Variants in MMP15 observed in about 807,000 individuals in gnomAD.
MMP15 encodes matrix metallopeptidase 15.
In MMP15, 36 loss-of-function variants were observed where a neutral mutation model predicts 65.0. The ratio of observed to expected loss-of-function variants is 0.55; its 90% CI spans 0.42 to 0.73. MMP15 has a LOEUF of 0.73. Ranked by LOEUF, MMP15 falls within the 30% of genes least tolerant of loss-of-function variation. The pLI, the probability that MMP15 is intolerant of heterozygous loss-of-function variation, is 0.00. For missense variants in MMP15, 870 were observed against 987.8 expected (o/e 0.88, Z 1.60); for synonymous variants, 428 against 410.2 (o/e 1.04, Z -0.52).
chr16:58,042,493 G>A (rs936132076), intron 7 of MMP15, 124 bp downstream of exon 7: 2 of 1,356,562 alleles, frequency 1.5e-6, no homozygotes, highest in South Asian at 2.8e-5. Flanking sequence ...CCCACTGTGG[G>A]CTCACTCTGG....
At chr16:58,037,428 TAGC>T (rs762242146) in intron 1 of MMP15, 41 bp from the exon 2 acceptor site, 5 of 1,600,630 alleles carry the variant, frequency 3.1e-6, no homozygotes, top group African/African-American at 1.3e-5. Flanking sequence ...TGTTTGGAGG[TAGC>T]AGTGCCAGGA....
chr16:58,039,220 G>T (rs2142328786), intron 3 of MMP15, among the ~76,000 whole-genome samples: 1 of 152,330 alleles, frequency 6.6e-6, no homozygotes. Flanking sequence ...ATCAGCTGAG[G>T]TCGGGAGTTC....
rs1345716401 is a variant in MMP15, at chr16:58,045,963, A to G, written c.*517A>G. On this transcript the variant is annotated 3_prime_UTR_variant, in exon 10 of 10. Transcript: ENST00000219271. ...GGTGGGCCGTGGCCCTTGAGTCCCC[A>G]TTGAGGCTTGGTTCCTTCCCAATCC... The G allele has an allele frequency of 6.3e-6, 1 of 158,978 alleles. No individual in the cohort carries two copies. The highest frequency in any genetic ancestry group is 2.4e-5 in the African/African-American group (1 of 41,460). The allele number at this position is 158,978 out of a possible 1,614,324, so 9.8% of individuals were successfully genotyped here. A position where few individuals can be genotyped will look rare whatever the true frequency, so the allele number is the denominator to read the frequency against.
At chr16:58,027,272 G>T (rs1451900013) in intron 1 of MMP15, among the ~76,000 whole-genome samples, 1 of 152,206 alleles carries the variant, frequency 6.6e-6, no homozygotes, top group African/African-American at 2.4e-5. Context: ...CCCTCCCGGG[G>T]CCCCGCTCTG....
chr16:58,027,880 A>G (rs1963845421), intron 1 of MMP15, among the ~76,000 whole-genome samples: 1 of 148,936 alleles, frequency 6.7e-6, no homozygotes, highest in Non-Finnish European at 1.5e-5. Flanking sequence ...CCCCATTCAC[A>G]CAGGCAGGAG....
chr16:58,042,372 G>C lies in MMP15; in HGVS notation c.1303+3G>C. On this transcript the variant is annotated splice_donor_region_variant and intron_variant, in intron 7 of 9. Transcript: ENST00000219271. ...CGGTCGTTTTGTCTTTTTCAAAGGTGAGCAGAGGTAGGGTTAGAGGGTTGG... is the reference window on the plus strand; with the variant it reads ...CGGTCGTTTTGTCTTTTTCAAAGGTCAGCAGAGGTAGGGTTAGAGGGTTGG... The C allele has an allele frequency of 1.2e-6, 2 of 1,614,002 alleles. No homozygotes were observed. Among genetic ancestry groups the C allele is most frequent in the South Asian group, 1.1e-5 (1 of 91,054 alleles).
At chr16:58,033,846 T>C (rs41371050) in intron 1 of MMP15, among the ~76,000 whole-genome samples, 408 of 152,334 alleles carry the variant, frequency 2.7e-3, no homozygotes, top group African/African-American at 9.3e-3. Context: ...GAAGTTGCAG[T>C]GAACCGAGAT....
chr16:58,038,470 C>T (rs1959381475), intron 3 of MMP15, 76 bp downstream of exon 3: 5 of 1,582,736 alleles, frequency 3.2e-6, no homozygotes, highest in Non-Finnish European at 4.3e-6. Flanking sequence ...CCAGAGCCCA[C>T]CTCGGCGCCC....
rs1196254815 is a variant in MMP15 at position 58,041,873 on chromosome 16, C to T, written c.1164+3C>T. ...GCGGGGAGATGTTCGTGTTCAAGGT[C>T]TGGCCCCGCCTCCCATGCCTGGCCC... On this transcript the variant is annotated splice_donor_region_variant and intron_variant, in intron 6 of 9. Transcript: ENST00000219271. 1.3e-6 allele frequency: 2 copies of T among 1,574,156 alleles called. No individual in the cohort carries two copies. The highest frequency in any genetic ancestry group is 1.7e-6 in the Non-Finnish European group (2 of 1,160,400).
intron 6 of MMP15, 71 bp downstream of exon 6, chr16:58,041,941 C>T: frequency 7.4e-6 from 11 of 1,488,046 alleles, no homozygotes; most frequent in Non-Finnish European, 9.9e-6. Flanking sequence ...GTCCCACCCT[C>T]ACTCAGCAGG....
In MMP15 at chr16:58,026,072, G is replaced by C. The variant is rs2142320280; in HGVS notation, c.-279G>C. 3.0e-6 allele frequency: 1 copy of C among 336,108 alleles called. No individual in the cohort carries two copies. Among genetic ancestry groups the C allele is most frequent in the East Asian group, 4.5e-5 (1 of 22,310 alleles). The allele number at this position is 336,108 out of a possible 1,614,324, so 20.8% of individuals were successfully genotyped here. On this transcript the variant is annotated 5_prime_UTR_variant, in exon 1 of 10. Transcript: ENST00000219271. ...GAGTTGCGCTTGCTCTCGGGAGCCG[G>C]GCCCCAGGCGCTGGGCGCCGAGGCT...
chr16:58,045,215 C>T lies in MMP15; in HGVS notation c.1779C>T (p.Asp593=), dbSNP rs773180611. Residue 593 remains aspartate, a synonymous_variant, in exon 10 of 10, where the codon GAC becomes GAT. Transcript: ENST00000219271. The part of the protein sequence containing the change: ...AEPGADSAEG[D]VGDGDGDFGA... The stretch of plus-strand genomic sequence containing the variant: ...CCGGGGCGGACAGCGCAGAGGGCGA[C>T]GTGGGGGATGGGGATGGGGACTTTG... The T allele has an allele frequency of 2.2e-5, 35 of 1,596,792 alleles. No individual in the cohort carries two copies. Among genetic ancestry groups the T allele is most frequent in the Middle Eastern group, 3.6e-4 (2 of 5,620 alleles).
At position 58,045,605 on chromosome 16, in the gene MMP15, T is replaced by G; in HGVS notation, c.*159T>G. ...ATGTCCAGGTGTTTGTTTTGTTTTG[T>G]TTTTGGCACCTTACTTGACCATTTG... On this transcript the variant is annotated 3_prime_UTR_variant, in exon 10 of 10. Coordinates refer to ENST00000219271, the MANE Select transcript of MMP15 (RefSeq NM_002428.4). 3 of 632,808 alleles carry G rather than the reference T, an allele frequency of 4.7e-6. No individual in the cohort carries two copies. The highest frequency in any genetic ancestry group is 5.3e-6 in the Non-Finnish European group (2 of 377,986). The allele number at this position is 632,808 out of a possible 1,614,324, so 39.2% of individuals were successfully genotyped here.
rs1230663157 is a variant in MMP15, at chr16:58,026,127, G to A, written c.-224G>A. ...AACCTCGCCGGGGGCAGCTCCGGTC[G>A]GCCCCCTTTCCCGCCGGCTGGTTCC... On this transcript the variant is annotated 5_prime_UTR_variant, in exon 1 of 10. Coordinates refer to ENST00000219271, the MANE Select transcript of MMP15 (RefSeq NM_002428.4). 3 of 413,228 alleles carry A rather than the reference G, an allele frequency of 7.3e-6. No homozygotes were observed. The highest frequency in any genetic ancestry group is 7.5e-5 in the East Asian group (2 of 26,690). 25.6% of individuals were successfully genotyped at this position (413,228 alleles called of 1,614,324 possible).
In MMP15 at chr16:58,044,990, C is replaced by T. The variant is rs1282202115; in HGVS notation, c.1571-17C>T. The T allele has an allele frequency of 1.9e-6, 3 of 1,612,928 alleles. No individual in the cohort carries two copies. Among genetic ancestry groups the T allele is most frequent in the Admixed American group, 3.3e-5 (2 of 59,994 alleles). On this transcript the variant is annotated splice_polypyrimidine_tract_variant and intron_variant, in intron 9 of 9. Coordinates refer to ENST00000219271, the MANE Select transcript of MMP15 (RefSeq NM_002428.4). ...TCGGCTCAACCTGAAGCCACTCTGGCCTCCTTGCCCCTGCAGCCTACACCT... is the reference window on the plus strand; with the variant it reads ...TCGGCTCAACCTGAAGCCACTCTGGTCTCCTTGCCCCTGCAGCCTACACCT...
At chr16:58,026,560 G>A (rs1040262523) in intron 1 of MMP15, 48 bp downstream of exon 1, 1 of 1,285,152 alleles carries the variant, frequency 7.8e-7, no homozygotes, top group African/African-American at 1.5e-5. Context: ...GGCTTGGAGG[G>A]AGAGGCGCCA....
chr16:58,041,567 G>A, intron 5 of MMP15, 50 bp from the exon 6 acceptor site: 1 of 1,553,094 alleles, frequency 6.4e-7, no homozygotes, highest in Non-Finnish European at 8.7e-7. Flanking sequence ...GGGGCCCAGG[G>A]TTCTGAGTAG....
chr16:58,043,129 G>A, intron 7 of MMP15, 81 bp from the exon 8 acceptor site: 2 of 1,339,050 alleles, frequency 1.5e-6, no homozygotes, highest in South Asian at 3.0e-5. Context: ...GTGATTTTGT[G>A]GGCCCAGAAG....
chr16:58,036,051 G>A (rs1346597928), intron 1 of MMP15, among the ~76,000 whole-genome samples: 1 of 152,322 alleles, frequency 6.6e-6, no homozygotes, highest in African/African-American at 2.4e-5. Context: ...AGCAACCACC[G>A]TGTCCAGCTA....
Sources: gnomAD v4.1 joint callset for allele counts (sites outside exome capture counted in the v4.1 genomes callset) on GRCh38, gnomAD v4.1.1 for gene constraint, MANE v1.5 for transcripts, NCBI Gene and HGNC (gene_info 2026-07-23, HGNC 2026-07-21) for gene names.